COL24A1: variants seen among roughly 807,000 people sequenced by gnomAD.
The protein encoded by COL24A1 is collagen type XXIV alpha 1 chain.
COL24A1 carries 224 observed loss-of-function variants against 253.9 expected under a neutral mutation model. The ratio of observed to expected loss-of-function variants is 0.88; its 90% CI spans 0.79 to 0.99. The LOEUF (loss-of-function observed/expected upper bound fraction) is 0.99, where lower values mean the gene tolerates loss of function less well. Ranked by LOEUF, COL24A1 falls within the 50% of genes least tolerant of loss-of-function variation. The probability of loss-of-function intolerance (pLI) is 0.00; values close to 1 mark genes in which losing one functional copy is unlikely to be tolerated. For missense variants in COL24A1, 2,131 were observed against 2,068.5 expected (o/e 1.03, Z -0.59); for synonymous variants, 685 against 673.7 (o/e 1.02, Z -0.26).
intron 47 of COL24A1, among the ~76,000 whole-genome samples, 176 bp from the exon 48 acceptor site, chr1:85,786,637 C>T (rs1417096084): frequency 3.3e-5 from 5 of 152,152 alleles, no homozygotes; most frequent in Admixed American, 3.3e-4. Context: ...TTTAGGAATA[C>T]TCACCACTCA....
intron 47 of COL24A1, among the ~76,000 whole-genome samples, chr1:85,802,444 T>C (rs563589337): frequency 1.1e-4 from 17 of 152,276 alleles, no homozygotes; most frequent in Non-Finnish European, 1.9e-4. Context: ...CTTTCCTGCT[T>C]TCTCCACCTA....
At chr1:85,781,296 GTC>G in intron 51 of COL24A1, 23 bp from the exon 52 acceptor site, 1 of 1,546,838 alleles carries the variant, frequency 6.5e-7, no homozygotes, top group Non-Finnish European at 8.8e-7. Context: ...AAGAAAAACA[GTC>G]TCACTGTTAG....
chr1:85,795,986 G>T (rs1466849620), intron 47 of COL24A1, among the ~76,000 whole-genome samples: 2 of 152,076 alleles, frequency 1.3e-5, no homozygotes, highest in African/African-American at 4.8e-5. Context: ...TAATTATTAG[G>T]TGATTATATG....
chr1:85,767,540 T>A (rs1281102746), intron 53 of COL24A1, among the ~76,000 whole-genome samples: 1 of 152,108 alleles, frequency 6.6e-6, no homozygotes, highest in Non-Finnish European at 1.5e-5. Flanking sequence ...TAAATTATAA[T>A]GGAATCAAAG....
chr1:86,089,135 A>C (rs903194888), intron 7 of COL24A1, 39 bp downstream of exon 7: 2 of 1,531,072 alleles, frequency 1.3e-6, no homozygotes, highest in African/African-American at 1.4e-5. Context: ...AAAAAGAAAA[A>C]AAGAAGAAAA....
intron 47 of COL24A1, among the ~76,000 whole-genome samples, chr1:85,806,281 C>G (rs953462209): frequency 6.6e-6 from 1 of 152,130 alleles, no homozygotes; most frequent in African/African-American, 2.4e-5. Context: ...CTGTAACTAG[C>G]TAATCAACCT....
intron 37 of COL24A1, among the ~76,000 whole-genome samples, chr1:85,858,659 C>CCTTCCTTA (rs1678769708): frequency 6.7e-6 from 1 of 150,046 alleles, no homozygotes; most frequent in African/African-American, 2.5e-5. Flanking sequence ...TTCCTTCCTT[C>CCTTCCTTA]CTTCCTTCCT....
chr1:85,908,471 G>A (rs964411712), intron 27 of COL24A1, 127 bp downstream of exon 27: 5 of 518,062 alleles, frequency 9.7e-6, no homozygotes, highest in African/African-American at 6.1e-5. Flanking sequence ...AGTTGGGAGA[G>A]AAGCAGTCTC....
intron 8 of COL24A1, among the ~76,000 whole-genome samples, chr1:86,061,845 A>AT (rs1232103358): frequency 3.3e-5 from 5 of 152,078 alleles, no homozygotes; most frequent in Admixed American, 2.0e-4. Flanking sequence ...AGATACAGTT[A>AT]TATCAACAGC....
chr1:85,976,918 G>A (rs1483675514), intron 20 of COL24A1, among the ~76,000 whole-genome samples: 2 of 152,212 alleles, frequency 1.3e-5, no homozygotes, highest in Non-Finnish European at 2.9e-5. Flanking sequence ...CAGCATTTGA[G>A]AAAGCCAGCA....
intron 24 of COL24A1, among the ~76,000 whole-genome samples, chr1:85,960,513 T>G (rs1403849301): frequency 6.6e-6 from 1 of 152,146 alleles, no homozygotes. Flanking sequence ...ATCTCTTAAT[T>G]TACCTCAACT....
At chr1:85,898,872 C>T (rs1384123941) in intron 28 of COL24A1, among the ~76,000 whole-genome samples, 1 of 152,154 alleles carries the variant, frequency 6.6e-6, no homozygotes, top group Non-Finnish European at 1.5e-5. Flanking sequence ...TGAAAAGTCT[C>T]TCTAAAGTGA....
chr1:85,912,799 T>C (rs12734458), intron 24 of COL24A1, among the ~76,000 whole-genome samples: 30,218 of 152,048 alleles, frequency 0.2, 3,329 homozygotes, highest in Non-Finnish European at 0.24. Context: ...TTAGTGCAAA[T>C]TGACACATAC....
intron 18 of COL24A1, among the ~76,000 whole-genome samples, chr1:86,021,377 A>C (rs1187565112): frequency 1.3e-5 from 2 of 152,126 alleles, no homozygotes; most frequent in Non-Finnish European, 2.9e-5. Flanking sequence ...AAAATATTAA[A>C]CCCTAAAACA....
At chr1:85,987,091 T>C (rs1382939227) in intron 20 of COL24A1, among the ~76,000 whole-genome samples, 1 of 151,872 alleles carries the variant, frequency 6.6e-6, no homozygotes, top group African/African-American at 2.4e-5. Flanking sequence ...ATTGCCGAAA[T>C]AATAAATTAG....
intron 14 of COL24A1, chr1:86,030,161 T>C (rs1698431937): frequency 6.6e-6 from 1 of 152,162 alleles, no homozygotes; most frequent in African/African-American, 2.4e-5. Flanking sequence ...CAAAATCTTT[T>C]TTACTACACA....
intron 7 of COL24A1, among the ~76,000 whole-genome samples, chr1:86,066,996 A>G (rs1284133650): frequency 1.3e-5 from 2 of 152,026 alleles, no homozygotes; most frequent in Non-Finnish European, 2.9e-5. Flanking sequence ...AAAATTAGCC[A>G]GGTGTGGTGG....
intron 2 of COL24A1, among the ~76,000 whole-genome samples, chr1:86,142,367 C>T (rs1435936588): frequency 6.6e-6 from 1 of 151,188 alleles, no homozygotes; most frequent in East Asian, 2.0e-4. Context: ...ACTAAAAATA[C>T]AAAAAATTAG....
At chr1:85,772,185 A>C (rs138377077) in intron 53 of COL24A1, among the ~76,000 whole-genome samples, 4,374 of 151,780 alleles carry the variant, frequency 0.029, 67 homozygotes, top group East Asian at 0.079. Context: ...ACATTTTCTT[A>C]ATCCAGTCTA....
Sources: gnomAD v4.1 joint callset for allele counts (sites outside exome capture counted in the v4.1 genomes callset) on GRCh38, gnomAD v4.1.1 for gene constraint, MANE v1.5 for transcripts, NCBI Gene and HGNC (gene_info 2026-07-23, HGNC 2026-07-21) for gene names.